SYK: variants seen among roughly 807,000 people sequenced by gnomAD.
SYK encodes the protein tyrosine-protein kinase SYK.
A neutral mutation model predicts 77.8 loss-of-function variants in SYK; 16 were observed. That is an observed-to-expected ratio of 0.21 (90% CI 0.14 to 0.31). The LOEUF is 0.31. SYK is among the 10% of genes least tolerant of loss of function. The pLI is 1.00. For missense variants in SYK, 529 were observed against 814.4 expected (o/e 0.65, Z 4.26); for synonymous variants, 312 against 308.7 (o/e 1.01, Z -0.11).
At chr9:90,802,291 G>T (rs1341061545) in intron 1 of SYK, among the ~76,000 whole-genome samples, 1 of 152,134 alleles carries the variant, frequency 6.6e-6, no homozygotes, top group East Asian at 1.9e-4. Context: ...ATTTTCCTTT[G>T]GCCATTTACA....
At chr9:90,885,885 A>C (rs1828553148) in intron 11 of SYK, among the ~76,000 whole-genome samples, 1 of 152,198 alleles carries the variant, frequency 6.6e-6, no homozygotes, top group African/African-American at 2.4e-5. Context: ...GACATTTTCA[A>C]AGTGCTGAAA....
intron 1 of SYK, among the ~76,000 whole-genome samples, chr9:90,818,454 C>T (rs1825379256): frequency 6.6e-6 from 1 of 152,200 alleles, no homozygotes; most frequent in African/African-American, 2.4e-5. Flanking sequence ...TATGGGGCGC[C>T]TCCCACGTGT....
At chr9:90,859,009 A>C (rs929479252) in intron 3 of SYK, among the ~76,000 whole-genome samples, 10 of 152,070 alleles carry the variant, frequency 6.6e-5, no homozygotes, top group African/African-American at 2.4e-4. Flanking sequence ...AGCAAAGGGC[A>C]CTCTCTGTTT....
intron 9 of SYK, 81 bp from the exon 10 acceptor site, chr9:90,877,490 G>C: frequency 6.8e-7 from 1 of 1,475,972 alleles, no homozygotes; most frequent in Non-Finnish European, 9.3e-7. Context: ...TTTCCACAGG[G>C]GGATTATGCT....
rs80216392 is a variant in SYK at position 90,875,296 on chromosome 9, G to A, written c.1181+447G>A. Reference sequence around the variant, plus strand: ...TAAAAAATTAGCCAGACATAGTAGTGCACACATATACTTCCAGCTGCTCAA... The same window carrying A: ...TAAAAAATTAGCCAGACATAGTAGTACACACATATACTTCCAGCTGCTCAA... On this transcript the variant is annotated intron_variant, in intron 9 of 13. Coordinates refer to ENST00000375754, the MANE Select transcript of SYK (RefSeq NM_003177.7). Among the ~76,000 whole-genome samples, 662 of 151,946 alleles carry A rather than the reference G, an allele frequency of 4.4e-3. 5 individuals are homozygous for A. The highest frequency in any genetic ancestry group is 0.015 in the African/African-American group (639 of 41,462).
At chr9:90,830,181 G>A (rs1261146227) in intron 1 of SYK, among the ~76,000 whole-genome samples, 3 of 152,238 alleles carry the variant, frequency 2.0e-5, no homozygotes, top group African/African-American at 7.2e-5. Context: ...TCAGCAGAAT[G>A]TGCACAATGT....
intron 3 of SYK, among the ~76,000 whole-genome samples, chr9:90,861,332 T>C (rs1015537424): frequency 1.3e-5 from 2 of 152,036 alleles, no homozygotes; most frequent in Non-Finnish European, 2.9e-5. Context: ...GTTCTGAGGG[T>C]CGCCCAGCAT....
At chr9:90,812,120 C>T (rs2387341) in intron 1 of SYK, among the ~76,000 whole-genome samples, 117,888 of 151,512 alleles carry the variant, frequency 0.78, 46,273 homozygotes, top group East Asian at 0.99. Context: ...AGAACAGCAG[C>T]TTTGGGGGGA....
chr9:90,860,733 G>A (rs1353047312), intron 3 of SYK, among the ~76,000 whole-genome samples: 1 of 152,168 alleles, frequency 6.6e-6, no homozygotes, highest in African/African-American at 2.4e-5. Flanking sequence ...CCATCGTTCA[G>A]CTTTCAAGTC....
intron 1 of SYK, among the ~76,000 whole-genome samples, chr9:90,816,409 C>G (rs1041462409): frequency 6.6e-6 from 1 of 152,180 alleles, no homozygotes; most frequent in African/African-American, 2.4e-5. Flanking sequence ...TCTAGCTGGA[C>G]TATATGCCTC....
At chr9:90,802,864 T>G (rs1421275553) in intron 1 of SYK, among the ~76,000 whole-genome samples, 1 of 135,944 alleles carries the variant, frequency 7.4e-6, no homozygotes, top group Admixed American at 7.3e-5. Flanking sequence ...ATTCTTGGTA[T>G]TAAAAATAAA....
chr9:90,867,249 C>T lies in SYK; in HGVS notation c.915+50C>T, dbSNP rs202209558. On this transcript the variant is annotated intron_variant, in intron 7 of 13. Transcript: ENST00000375754. ...GTCCAACTAAGTGGTAGGACCAACG[C>T]GCACTCAGCTCCCGCCCGCCCAGTC... is the stretch of plus-strand genomic sequence containing the variant. 1.1e-3 allele frequency: 1,759 copies of T among 1,582,252 alleles called. 2 individuals carry two copies. The highest frequency in any genetic ancestry group is 1.5e-3 in the Non-Finnish European group (1,671 of 1,151,066).
chr9:90,801,730 A>C (rs979751313), upstream of SYK: 3 of 152,140 alleles, frequency 2.0e-5, no homozygotes, highest in African/African-American at 7.2e-5. Flanking sequence ...GCGGGGCGCG[A>C]CACTGGGAGG....
At chr9:90,806,081 A>G (rs969320826) in intron 1 of SYK, among the ~76,000 whole-genome samples, 5 of 152,222 alleles carry the variant, frequency 3.3e-5, no homozygotes, top group Non-Finnish European at 7.3e-5. Flanking sequence ...AGCAAGGTAT[A>G]TCATTCCATT....
intron 1 of SYK, among the ~76,000 whole-genome samples, chr9:90,807,745 G>A (rs1040749571): frequency 9.2e-5 from 14 of 152,184 alleles, no homozygotes; most frequent in Non-Finnish European, 2.9e-5. Flanking sequence ...TGATACACGA[G>A]TACATATCCT....
At chr9:90,824,703 G>C (rs1055870965) in intron 1 of SYK, among the ~76,000 whole-genome samples, 3 of 151,056 alleles carry the variant, frequency 2.0e-5, no homozygotes, top group Non-Finnish European at 3.0e-5. Context: ...TCTTAAACTA[G>C]GAATAGAGGA....
Position 90,878,940 on chromosome 9 carries a change from A to G in SYK, c.1568A>G (p.Glu523Gly). 1.2e-6 allele frequency: 2 copies of G among 1,610,346 alleles called. No homozygotes were observed. Among genetic ancestry groups the G allele is most frequent in the Non-Finnish European group, 1.7e-6 (2 of 1,176,788 alleles). Reference protein sequence around the residue: ...FGLSKALRADENYYKAQTHGK... With the variant: ...FGLSKALRADGNYYKAQTHGK... The stretch of plus-strand genomic sequence containing the variant: ...CTTTCCAAAGCACTGCGTGCTGATG[A>G]AAACTACTACAAGGTAAGTACAACT... Residue 523 changes from glutamate to glycine, a missense_variant, in exon 11 of 14, where the codon GAA becomes GGA. Around this residue, in one of 2 missense-constraint regions of SYK, gnomAD observed 208 missense variants for 381.3 expected, o/e 0.55. Transcript: ENST00000375754.
chr9:90,861,732 C>G (rs1295877506), intron 3 of SYK, among the ~76,000 whole-genome samples: 3 of 152,154 alleles, frequency 2.0e-5, no homozygotes, highest in African/African-American at 4.8e-5. Flanking sequence ...ACCAAACACC[C>G]CCACCCACAC....
At chr9:90,835,964 A>T (rs1826066338) in intron 1 of SYK, among the ~76,000 whole-genome samples, 1 of 152,224 alleles carries the variant, frequency 6.6e-6, no homozygotes, top group Non-Finnish European at 1.5e-5. Flanking sequence ...CAATTTTAAA[A>T]ACTTGCAGAT....
Sources: allele counts gnomAD v4.1 joint callset (sites outside exome capture counted in the v4.1 genomes callset), GRCh38; gene constraint gnomAD v4.1.1; regional missense constraint gnomAD v4.1.1; transcripts MANE v1.5; gene names NCBI Gene and HGNC (gene_info 2026-07-23, HGNC 2026-07-21).